The following LARP1B variants were observed in gnomAD, a reference collection of about 807,000 sequenced individuals.
LARP1B encodes the protein La ribonucleoprotein 1B, also known as la-related protein 1B.
In LARP1B, 76 loss-of-function variants were observed where a neutral mutation model predicts 114.2. The observed-to-expected ratio is 0.67, with a 90% CI of 0.55 to 0.81. The LOEUF (loss-of-function observed/expected upper bound fraction) is 0.81. Among genes scored for constraint, LARP1B ranks in the 30% least tolerant of loss-of-function variants. The probability of loss-of-function intolerance (pLI) is 0.00; values close to 1 mark genes in which losing one functional copy is unlikely to be tolerated. For missense variants in LARP1B, 1,014 were observed against 1,075.8 expected (o/e 0.94, Z 0.80); for synonymous variants, 345 against 348.0 (o/e 0.99, Z 0.10).
chr4:128,093,688 G>A (rs1258043067), intron 7 of LARP1B, among the ~76,000 whole-genome samples: 1 of 150,002 alleles, frequency 6.7e-6, no homozygotes, highest in Non-Finnish European at 1.5e-5. Flanking sequence ...TATTCAAAAT[G>A]GTTGAGGGGT....
intron 7 of LARP1B, chr4:128,092,744 T>C (rs1033119704): frequency 1.0e-6 from 1 of 985,248 alleles, no homozygotes; most frequent in Non-Finnish European, 1.2e-6. Flanking sequence ...GTGGAGCAAC[T>C]TGTTTATATT....
At chr4:128,172,463 C>T (rs1027641898) in intron 12 of LARP1B, among the ~76,000 whole-genome samples, 1 of 152,102 alleles carries the variant, frequency 6.6e-6, no homozygotes, top group Non-Finnish European at 1.5e-5. Flanking sequence ...GAGGCCAAGG[C>T]GGGTGTATCA....
intron 5 of LARP1B, among the ~76,000 whole-genome samples, chr4:128,090,051 G>C (rs1391426095): frequency 6.7e-6 from 1 of 148,962 alleles, no homozygotes; most frequent in East Asian, 2.0e-4. Context: ...GGTATTACAA[G>C]TGTGAGCCAC....
At chr4:128,108,423 T>G (rs1782820956) in intron 9 of LARP1B, 1 of 986,040 alleles carries the variant, frequency 1.0e-6, no homozygotes, top group Non-Finnish European at 1.2e-6. Context: ...TGTGGTCACT[T>G]AAGGGGTAAG....
At chr4:128,196,976 A>T (rs1300682348) in intron 15 of LARP1B, among the ~76,000 whole-genome samples, 77 of 152,332 alleles carry the variant, frequency 5.1e-4, no homozygotes, top group Non-Finnish European at 1.5e-5. Flanking sequence ...TCCCACTTAT[A>T]TGGAGTACCT....
intron 1 of LARP1B, among the ~76,000 whole-genome samples, chr4:128,073,507 TAA>T (rs1279132467): frequency 1.1e-5 from 1 of 87,168 alleles, no homozygotes; most frequent in African/African-American, 4.3e-5. Context: ...ATGAGAGAAA[TAA>T]AGAGACTCTG....
At chr4:128,067,562 G>T (rs1277585104) in intron 1 of LARP1B, among the ~76,000 whole-genome samples, 2 of 152,108 alleles carry the variant, frequency 1.3e-5, no homozygotes, top group South Asian at 4.1e-4. Flanking sequence ...ATCATGTGTT[G>T]CTGTTTCTAG....
At chr4:128,158,268 CA>C (rs1023412569) in intron 11 of LARP1B, among the ~76,000 whole-genome samples, 1 of 151,822 alleles carries the variant, frequency 6.6e-6, no homozygotes, top group Admixed American at 6.6e-5. Flanking sequence ...CAATCAGAAC[CA>C]AAAAATCAGT....
chr4:128,147,226 T>C (rs540741034), intron 11 of LARP1B, among the ~76,000 whole-genome samples: 2 of 152,346 alleles, frequency 1.3e-5, no homozygotes, highest in South Asian at 4.1e-4. Context: ...TGTGAACTAG[T>C]TAGCCCCAAA....
intron 9 of LARP1B, among the ~76,000 whole-genome samples, chr4:128,114,192 T>A (rs1785048683): frequency 1.3e-5 from 2 of 152,226 alleles, no homozygotes; most frequent in Admixed American, 1.3e-4. Flanking sequence ...TTAGCTTAAC[T>A]ATGGCTTAAT....
rs758189493 is a variant in LARP1B at position 128,147,594 on chromosome 4, G to A, written c.1525-14600G>A. Among the ~76,000 whole-genome samples, 180 of 152,298 alleles carry A rather than the reference G, an allele frequency of 1.2e-3. 2 individuals carry two copies. Among genetic ancestry groups the A allele is most frequent in the Admixed American group, 1.8e-3 (28 of 15,292 alleles). On this transcript the variant is annotated intron_variant, in intron 11 of 19. Transcript: ENST00000326639. ...GCCTCTTAAATAATGAAATCTGGATGTGGTTATTGCTAGAACAGTGGCTGA... is the reference window on the plus strand; with the variant it reads ...GCCTCTTAAATAATGAAATCTGGATATGGTTATTGCTAGAACAGTGGCTGA...
In LARP1B at chr4:128,071,296, C is replaced by T. The variant is rs1171630108; in HGVS notation, c.-77-3164C>T. ...CTCCTGACCTCGTGATCCGCCACCT[C>T]GGCCTCCCAAAGTGCTGGGATTACA... On this transcript the variant is annotated intron_variant, in intron 1 of 19. Coordinates refer to ENST00000326639, the MANE Select transcript of LARP1B (RefSeq NM_018078.4). Among the ~76,000 whole-genome samples the T allele has an allele frequency of 5.3e-5, 8 of 152,228 alleles. No individual in the cohort carries two copies. The East Asian group carries it at 7.7e-4, about 15-fold the overall frequency.
intron 1 of LARP1B, among the ~76,000 whole-genome samples, chr4:128,065,319 C>CTTTCTTTCTT (rs756433630): frequency 1.7e-3 from 101 of 59,648 alleles, no homozygotes; most frequent in South Asian, 3.2e-3. Flanking sequence ...CTTTCTTTCT[C>CTTTCTTTCTT]TCTCTCTCTC....
chr4:128,182,868 TAG>T (rs1231009501), intron 15 of LARP1B, among the ~76,000 whole-genome samples: 1 of 152,186 alleles, frequency 6.6e-6, no homozygotes, highest in East Asian at 1.9e-4. Flanking sequence ...ATGATAGGGA[TAG>T]AGTTTGAGTG....
At chr4:128,209,609 A>G (rs1336078142) in intron 19 of LARP1B, among the ~76,000 whole-genome samples, 2 of 151,946 alleles carry the variant, frequency 1.3e-5, no homozygotes, top group African/African-American at 2.4e-5. Context: ...TTTTTGTTAT[A>G]CTAATACAAT....
At chr4:128,110,194 C>T (rs950617245) in intron 9 of LARP1B, among the ~76,000 whole-genome samples, 2 of 151,982 alleles carry the variant, frequency 1.3e-5, no homozygotes, top group African/African-American at 2.4e-5. Flanking sequence ...CCACTGTGCC[C>T]GGCCACTGAT....
chr4:128,157,961 A>C (rs1487304294), intron 11 of LARP1B, among the ~76,000 whole-genome samples: 2 of 152,180 alleles, frequency 1.3e-5, no homozygotes, highest in Non-Finnish European at 2.9e-5. Flanking sequence ...GGGAAGGGTA[A>C]ATATGTGTAT....
At chr4:128,110,922 T>A (rs995267250) in intron 9 of LARP1B, among the ~76,000 whole-genome samples, 1 of 151,970 alleles carries the variant, frequency 6.6e-6, no homozygotes, top group Non-Finnish European at 1.5e-5. Flanking sequence ...GATAATTTTA[T>A]AAGAAGCATC....
chr4:128,182,741 T>C (rs955060634), intron 15 of LARP1B, among the ~76,000 whole-genome samples: 1 of 152,218 alleles, frequency 6.6e-6, no homozygotes, highest in Non-Finnish European at 1.5e-5. Context: ...CAAGACAGGC[T>C]GAAAACTAGA....
Sources: gnomAD v4.1 joint callset for allele counts (sites outside exome capture counted in the v4.1 genomes callset) on GRCh38, gnomAD v4.1.1 for gene constraint, MANE v1.5 for transcripts, NCBI Gene and HGNC (gene_info 2026-07-23, HGNC 2026-07-21) for gene names.